LAMP3: variants seen among roughly 807,000 people sequenced by gnomAD.
LAMP3 encodes lysosome-associated membrane glycoprotein 3.
LAMP3 carries 26 observed loss-of-function variants against 34.8 expected under a neutral mutation model. The ratio of observed to expected loss-of-function variants is 0.75; its 90% CI spans 0.55 to 1.04. The LOEUF is 1.04. LAMP3 is among the 50% of genes least tolerant of loss of function. The pLI is 0.00. For synonymous variants in LAMP3, 180 were observed against 201.9 expected, an observed-to-expected ratio of 0.89 and a Z score of 0.92; for missense variants, 495 against 524.0, an observed-to-expected ratio of 0.94 and a Z score of 0.54.
At chr3:183,131,111 G>A (rs765135559) in intron 5 of LAMP3, among the ~76,000 whole-genome samples, 3 of 152,198 alleles carry the variant, frequency 2.0e-5, no homozygotes, top group Non-Finnish European at 4.4e-5. Context: ...AAAATAATCA[G>A]TACTGGGGTC....
chr3:183,152,156 A>G (rs1218588356), intron 3 of LAMP3, among the ~76,000 whole-genome samples: 1 of 152,158 alleles, frequency 6.6e-6, no homozygotes, highest in Admixed American at 6.5e-5. Context: ...AGTCTCCCAT[A>G]AGAGGCCCTG....
intron 5 of LAMP3, 86 bp downstream of exon 5, chr3:183,135,631 T>G: frequency 7.8e-7 from 1 of 1,277,202 alleles, no homozygotes; most frequent in Non-Finnish European, 1.1e-6. Flanking sequence ...TGCTTGCTCC[T>G]TCGACAGCTG....
chr3:183,137,687 C>G (rs970398801), intron 4 of LAMP3, among the ~76,000 whole-genome samples: 1 of 152,146 alleles, frequency 6.6e-6, no homozygotes, highest in Non-Finnish European at 1.5e-5. Flanking sequence ...ATTCTTAATA[C>G]CCCCACTAAC....
chr3:183,134,791 T>C (rs1720033758), intron 5 of LAMP3, among the ~76,000 whole-genome samples: 1 of 152,244 alleles, frequency 6.6e-6, no homozygotes, highest in Non-Finnish European at 1.5e-5. Flanking sequence ...ATTCATATTG[T>C]AGACATTTAA....
chr3:183,128,228 T>C (rs759837828), intron 5 of LAMP3, among the ~76,000 whole-genome samples: 1 of 152,110 alleles, frequency 6.6e-6, no homozygotes, highest in Non-Finnish European at 1.5e-5. Context: ...ATGCTGTGCA[T>C]TGAGAAGTTT....
chr3:183,130,002 G>A (rs1560302905), intron 5 of LAMP3, among the ~76,000 whole-genome samples: 1 of 152,250 alleles, frequency 6.6e-6, no homozygotes, highest in East Asian at 1.9e-4. Flanking sequence ...CTACAGCCAA[G>A]GAGAGAAGTT....
intron 5 of LAMP3, 128 bp from the exon 6 acceptor site, chr3:183,124,342 A>G: frequency 1.3e-6 from 1 of 767,488 alleles, no homozygotes; most frequent in Non-Finnish European, 1.9e-6. Flanking sequence ...ACCATTAACT[A>G]GCTTTGTGAC....
intron 3 of LAMP3, among the ~76,000 whole-genome samples, chr3:183,140,960 G>A (rs1320354993): frequency 6.6e-6 from 1 of 152,154 alleles, no homozygotes; most frequent in Non-Finnish European, 1.5e-5. Flanking sequence ...GTGTTTACTA[G>A]CAATTAATAT....
upstream of LAMP3, chr3:183,163,766 CG>C (rs1576893802): frequency 1.3e-5 from 2 of 152,426 alleles, no homozygotes; most frequent in Non-Finnish European, 2.9e-5. Flanking sequence ...TCGCCAGGAC[CG>C]CGGTTTGCGG....
upstream of LAMP3, among the ~76,000 whole-genome samples, chr3:183,163,113 A>G (rs1721030409): frequency 6.6e-6 from 1 of 151,302 alleles, no homozygotes; most frequent in Non-Finnish European, 1.5e-5. Context: ...ATGCACCACC[A>G]CACCCGGCTA....
Position 183,154,231 on chromosome 3 carries a change from A to C in LAMP3, c.210T>G (p.Asp70Glu). 6.2e-7 allele frequency: 1 copy of C among 1,614,102 alleles called. No homozygotes were observed. The highest frequency in any genetic ancestry group is 2.2e-5 in the East Asian group (1 of 44,880). ...CCGCTGTTTGAAAGGTGATATGACC[A>C]TCCATGAATCTTGCTGCTAAAGTTT... ...PHQTLAARFM[D>E]GHITFQTAAT... is the part of the protein sequence containing the mutation. Residue 70 changes from aspartate (D) to glutamate (E), a missense_variant, in exon 2 of 6, where the codon GAT (aspartate) becomes GAG (glutamate). Asp to Glu is a conservative substitution (Grantham distance 45). Coordinates refer to ENST00000265598, the MANE Select transcript of LAMP3 (RefSeq NM_014398.4).
intron 2 of LAMP3, 32 bp downstream of exon 2, chr3:183,153,650 G>T: frequency 7.0e-7 from 1 of 1,428,674 alleles, no homozygotes; most frequent in Non-Finnish European, 9.4e-7. Flanking sequence ...ACTTTTTGAA[G>T]ATAGTGTTAT....
intron 3 of LAMP3, among the ~76,000 whole-genome samples, chr3:183,142,801 C>G (rs488897): frequency 0.89 from 135,244 of 152,234 alleles, 60,300 homozygotes; most frequent in Middle Eastern, 0.94. Context: ...ATGAAAGTGC[C>G]GGGCCATGTG....
rs569732689 is a variant in LAMP3 at position 183,152,579 on chromosome 3, GT to G, written c.760-77del. 9.8e-3 allele frequency: 13,403 copies of G among 1,362,124 alleles called. 97 individuals carry two copies. Among genetic ancestry groups the G allele is most frequent in the Non-Finnish European group, 0.012 (12,115 of 1,001,360 alleles). The allele number at this position is 1,362,124 out of a possible 1,614,324, so 84.4% of individuals were successfully genotyped here. A position where few individuals can be genotyped will look rare whatever the true frequency, so the allele number is the denominator to read the frequency against. The stretch of plus-strand genomic sequence containing the variant: ...GCTAGGGAACCAGATGCACAGGCTA[GT>G]TTGTGAGCCTGAAACTTAAGGCTGA... On this transcript the variant is annotated intron_variant, in intron 2 of 5. Coordinates refer to ENST00000265598, the MANE Select transcript of LAMP3 (RefSeq NM_014398.4).
intron 3 of LAMP3, among the ~76,000 whole-genome samples, chr3:183,146,516 G>A (rs963310489): frequency 2.7e-5 from 4 of 149,780 alleles, no homozygotes; most frequent in African/African-American, 9.8e-5. Context: ...CCAGCATGGT[G>A]CTCAAATTTT....
chr3:183,130,383 C>T (rs910982711), intron 5 of LAMP3, among the ~76,000 whole-genome samples: 1 of 152,018 alleles, frequency 6.6e-6, no homozygotes, highest in Admixed American at 6.5e-5. Context: ...TGGTCTCGAT[C>T]TCCTGACCTC....
chr3:183,126,778 G>C (rs750829522), intron 5 of LAMP3, among the ~76,000 whole-genome samples: 2 of 152,082 alleles, frequency 1.3e-5, no homozygotes, highest in Admixed American at 6.6e-5. Flanking sequence ...TACAAGGATA[G>C]ATAGGTTAGA....
At chr3:183,154,560 T>C (rs1235750307) in intron 1 of LAMP3, among the ~76,000 whole-genome samples, 169 bp from the exon 2 acceptor site, 1 of 152,216 alleles carries the variant, frequency 6.6e-6, no homozygotes, top group Non-Finnish European at 1.5e-5. Context: ...CCAAAGATTC[T>C]ACCCCCAGGA....
chr3:183,153,531 C>T (rs9811097), intron 2 of LAMP3, 151 bp downstream of exon 2: 259 of 521,162 alleles, frequency 5.0e-4, no homozygotes, highest in African/African-American at 4.3e-3. Flanking sequence ...AAAACATAAT[C>T]ACCTTTTAAT....
Sources: gnomAD v4.1 joint callset for allele counts (sites outside exome capture counted in the v4.1 genomes callset) on GRCh38, gnomAD v4.1.1 for gene constraint, MANE v1.5 for transcripts, NCBI Gene and HGNC (gene_info 2026-07-23, HGNC 2026-07-21) for gene names.